Variants in KIAA1328 observed in about 807,000 individuals in gnomAD.
KIAA1328 encodes KIAA1328, also known as protein hinderin.
In KIAA1328, 52 loss-of-function variants were observed where a neutral mutation model predicts 68.1. The observed-to-expected ratio is 0.76, with a 90% confidence interval of 0.61 to 0.96. The LOEUF is 0.96. Among genes scored for constraint, KIAA1328 ranks in the 40% least tolerant of loss-of-function variants. The probability of loss-of-function intolerance (pLI) is 0.00; values close to 1 mark genes in which losing one functional copy is unlikely to be tolerated. For missense variants in KIAA1328, 641 were observed against 677.6 expected (o/e 0.95, Z 0.60); for synonymous variants, 232 against 239.4 (o/e 0.97, Z 0.28).
intron 7 of KIAA1328, among the ~76,000 whole-genome samples, chr18:37,126,723 A>C (rs894262196): frequency 1.3e-5 from 2 of 152,192 alleles, no homozygotes; most frequent in African/African-American, 4.8e-5. Context: ...AGTAAGTTGA[A>C]TCCAGCATTG....
Position 37,223,587 on chromosome 18 carries a change from C to A in KIAA1328, c.*1360C>A. 1 of 985,338 alleles carries A rather than the reference C, an allele frequency of 1.0e-6. No individual in the cohort carries two copies. The highest frequency in any genetic ancestry group is 1.2e-6 in the Non-Finnish European group (1 of 829,916). The allele number at this position is 985,338 out of a possible 1,614,324, so 61.0% of individuals were successfully genotyped here. ...GCTTTTTTTCTCTCCTTTTTACCAA[C>A]CCCAACTAAACTGGGAGTAAGACTT... On this transcript the variant is annotated 3_prime_UTR_variant, in exon 10 of 10. Coordinates refer to ENST00000280020, the MANE Select transcript of KIAA1328 (RefSeq NM_020776.3).
intron 7 of KIAA1328, among the ~76,000 whole-genome samples, chr18:37,111,833 C>G (rs1335405220): frequency 1.3e-5 from 2 of 152,342 alleles, no homozygotes; most frequent in East Asian, 3.9e-4. Flanking sequence ...TAACATTGCG[C>G]TTTCCCAACC....
At chr18:37,044,075 G>A (rs376790525) in intron 6 of KIAA1328, among the ~76,000 whole-genome samples, 1 of 152,108 alleles carries the variant, frequency 6.6e-6, no homozygotes, top group African/African-American at 2.4e-5. Context: ...ACAAACTATA[G>A]ACCAAATACT....
chr18:37,204,962 C>CTTG (rs143018752), intron 9 of KIAA1328, among the ~76,000 whole-genome samples: 59,038 of 151,128 alleles, frequency 0.39, 12,840 homozygotes, highest in African/African-American at 0.59. Context: ...GGCTTTTGAC[C>CTTG]TTGTTGTTGT....
At chr18:37,103,553 A>G (rs973018463) in intron 7 of KIAA1328, among the ~76,000 whole-genome samples, 1 of 152,226 alleles carries the variant, frequency 6.6e-6, no homozygotes, top group Non-Finnish European at 1.5e-5. Flanking sequence ...TACAAGTGCT[A>G]AAAGAAAACA....
At chr18:36,876,511 AG>A (rs1432937559) in intron 4 of KIAA1328, among the ~76,000 whole-genome samples, 1 of 152,146 alleles carries the variant, frequency 6.6e-6, no homozygotes, top group Non-Finnish European at 1.5e-5. Context: ...CTATGGGATC[AG>A]TGGTGATATC....
intron 4 of KIAA1328, among the ~76,000 whole-genome samples, chr18:36,845,012 A>G (rs2046980304): frequency 6.6e-6 from 1 of 151,854 alleles, no homozygotes; most frequent in African/African-American, 2.4e-5. Context: ...TAACAATATT[A>G]GGTATGTTTT....
chr18:37,172,322 A>G (rs2059516199), intron 8 of KIAA1328, among the ~76,000 whole-genome samples: 1 of 152,218 alleles, frequency 6.6e-6, no homozygotes. Flanking sequence ...AAATAAAAAC[A>G]ATATTTCTGT....
intron 6 of KIAA1328, among the ~76,000 whole-genome samples, chr18:37,031,901 T>C (rs1426578670): frequency 6.6e-6 from 1 of 152,192 alleles, no homozygotes; most frequent in Non-Finnish European, 1.5e-5. Flanking sequence ...GTGTGGTGGC[T>C]CACACCTGTA....
chr18:37,141,549 C>T (rs1348117438), intron 7 of KIAA1328, among the ~76,000 whole-genome samples: 1 of 152,190 alleles, frequency 6.6e-6, no homozygotes, highest in Non-Finnish European at 1.5e-5. Flanking sequence ...GACAACTGAG[C>T]TGCTGTGAAC....
intron 6 of KIAA1328, 140 bp downstream of exon 6, chr18:36,959,575 T>A: frequency 1.1e-6 from 1 of 875,506 alleles, no homozygotes; most frequent in Non-Finnish European, 1.7e-6. Flanking sequence ...ATTGAGTTGA[T>A]GTCTTTCCCT....
chr18:37,085,865 T>C (rs972597302), intron 7 of KIAA1328, among the ~76,000 whole-genome samples: 1 of 152,186 alleles, frequency 6.6e-6, no homozygotes, highest in Admixed American at 6.5e-5. Context: ...CACGTGCTGT[T>C]TCCTTCCTTC....
At chr18:37,020,235 G>C (rs1330485459) in intron 6 of KIAA1328, among the ~76,000 whole-genome samples, 1 of 152,036 alleles carries the variant, frequency 6.6e-6, no homozygotes, top group African/African-American at 2.4e-5. Context: ...CGATCCTCCT[G>C]CCTTAGCCTC....
intron 6 of KIAA1328, among the ~76,000 whole-genome samples, chr18:37,006,813 T>A (rs1393767835): frequency 1.3e-5 from 2 of 152,138 alleles, no homozygotes; most frequent in African/African-American, 4.8e-5. Context: ...GGTGAAAATG[T>A]CTTTATTCTA....
Position 36,835,372 on chromosome 18 carries a change from A to T in KIAA1328, c.233A>T (p.Glu78Val). The T allele has an allele frequency of 6.2e-7, 1 of 1,609,710 alleles. No homozygotes were observed. The highest frequency in any genetic ancestry group is 8.5e-7 in the Non-Finnish European group (1 of 1,178,482). The change falls in exon 3 of 10, where the codon GAA (glutamate) becomes GTA (valine). Residue 78 changes from glutamate to valine, a missense_variant. Glu to Val is a moderately radical substitution (Grantham distance 121). Coordinates refer to ENST00000280020, the MANE Select transcript of KIAA1328 (RefSeq NM_020776.3). ...SLKGTGDSVD[E>V]QNSCRGEIKS... ...AAAGGCACAGGAGATTCAGTAGATGAACAGGTTAGTATTTTTTTCGTCTTT... is the reference window on the plus strand; with the variant it reads ...AAAGGCACAGGAGATTCAGTAGATGTACAGGTTAGTATTTTTTTCGTCTTT...
At chr18:36,930,818 T>G (rs912274142) in intron 5 of KIAA1328, among the ~76,000 whole-genome samples, 80 of 152,054 alleles carry the variant, frequency 5.3e-4, no homozygotes, top group Non-Finnish European at 1.5e-4. Context: ...TCCACTCATT[T>G]TTGCCCTAAT....
At chr18:37,118,467 C>G (rs2058182009) in intron 7 of KIAA1328, among the ~76,000 whole-genome samples, 1 of 152,166 alleles carries the variant, frequency 6.6e-6, no homozygotes, top group Admixed American at 6.5e-5. Context: ...TGACTTTACT[C>G]ACAGAACATA....
At chr18:36,831,615 A>G (rs1302841856) in intron 1 of KIAA1328, among the ~76,000 whole-genome samples, 1 of 152,232 alleles carries the variant, frequency 6.6e-6, no homozygotes, top group Non-Finnish European at 1.5e-5. Flanking sequence ...TATGAACTGC[A>G]AGTGACCTGG....
chr18:37,229,728 T>C (rs2060656270), downstream of KIAA1328: 1 of 312,766 alleles, frequency 3.2e-6, no homozygotes. Flanking sequence ...TTTGTAAAAA[T>C]ACAAAAAATT....
Sources: gnomAD v4.1 joint callset for allele counts (sites outside exome capture counted in the v4.1 genomes callset) on GRCh38, gnomAD v4.1.1 for gene constraint, MANE v1.5 for transcripts, NCBI Gene and HGNC (gene_info 2026-07-23, HGNC 2026-07-21) for gene names.